Variants in ZNF385D observed in about 807,000 individuals in gnomAD.
ZNF385D encodes the protein zinc finger protein 659.
ZNF385D carries 15 observed loss-of-function variants against 35.8 expected under a neutral mutation model. That is an observed-to-expected ratio of 0.42 (90% CI 0.28 to 0.64). ZNF385D has a LOEUF of 0.64. ZNF385D is among the 30% of genes least tolerant of loss of function. ZNF385D has a pLI of 0.23. For synonymous variants in ZNF385D, 212 were observed against 186.8 expected (o/e 1.13, Z -1.10); for missense variants, 474 against 494.6 (o/e 0.96, Z 0.39).
At chr3:22,282,842 C>T (rs995567576) in intron 2 of ZNF385D, among the ~76,000 whole-genome samples, 1 of 151,872 alleles carries the variant, frequency 6.6e-6, no homozygotes, top group African/African-American at 2.4e-5. Flanking sequence ...TATCTCAATA[C>T]TAATGTGGAA....
At chr3:22,042,086 G>A (rs1459858393) in intron 3 of ZNF385D, among the ~76,000 whole-genome samples, 1 of 152,056 alleles carries the variant, frequency 6.6e-6, no homozygotes, top group Non-Finnish European at 1.5e-5. Flanking sequence ...GTTACTGAAG[G>A]TTTATCAGAT....
intron 3 of ZNF385D, among the ~76,000 whole-genome samples, chr3:22,005,433 G>T (rs906727483): frequency 2.0e-5 from 3 of 151,892 alleles, no homozygotes; most frequent in Non-Finnish European, 4.4e-5. Context: ...CAGTAGTGTC[G>T]CAGGGTAACT....
intron 2 of ZNF385D, among the ~76,000 whole-genome samples, chr3:22,307,274 T>C (rs1367282028): frequency 1.3e-5 from 2 of 152,112 alleles, no homozygotes; most frequent in East Asian, 1.9e-4. Context: ...GGAATGAAGA[T>C]AAGTCTGCAA....
intron 3 of ZNF385D, among the ~76,000 whole-genome samples, chr3:21,855,201 C>T (rs970989156): frequency 6.6e-5 from 10 of 152,054 alleles, no homozygotes; most frequent in African/African-American, 2.2e-4. Context: ...AAATCGCTAG[C>T]AATCTAGTCC....
At chr3:22,066,362 C>CTGTG (rs752443626) in intron 3 of ZNF385D, among the ~76,000 whole-genome samples, 4 of 144,120 alleles carry the variant, frequency 2.8e-5, no homozygotes, top group Admixed American at 6.9e-5. Context: ...AGATGGTTCC[C>CTGTG]TGTGTGTGTG....
At chr3:22,316,589 T>C (rs752572155) in intron 2 of ZNF385D, among the ~76,000 whole-genome samples, 1 of 152,206 alleles carries the variant, frequency 6.6e-6, no homozygotes, top group Non-Finnish European at 1.5e-5. Flanking sequence ...ACTTTGAAGT[T>C]TGGCCTGTGT....
chr3:21,940,354 C>G (rs1701457360), intron 3 of ZNF385D, among the ~76,000 whole-genome samples: 1 of 152,162 alleles, frequency 6.6e-6, no homozygotes. Context: ...CCCCATGTAT[C>G]TCACGTTCTT....
chr3:22,044,688 G>C (rs149200881), intron 3 of ZNF385D, among the ~76,000 whole-genome samples: 113 of 152,262 alleles, frequency 7.4e-4, no homozygotes, highest in African/African-American at 2.6e-3. Flanking sequence ...GAGCCATTTG[G>C]TTAACCTGCT....
At chr3:21,904,179 C>A (rs1455852500) in intron 3 of ZNF385D, among the ~76,000 whole-genome samples, 1 of 151,438 alleles carries the variant, frequency 6.6e-6, no homozygotes, top group East Asian at 2.0e-4. Flanking sequence ...TGACAAGTAC[C>A]TGTAATCCCA....
intron 3 of ZNF385D, among the ~76,000 whole-genome samples, chr3:21,958,448 T>C (rs771484600): frequency 2.0e-5 from 3 of 152,134 alleles, no homozygotes; most frequent in Non-Finnish European, 4.4e-5. Context: ...CTATTAGAAC[T>C]AAGTGAGACA....
chr3:21,875,894 A>G (rs1697938835), intron 3 of ZNF385D, among the ~76,000 whole-genome samples: 1 of 152,142 alleles, frequency 6.6e-6, no homozygotes, highest in Non-Finnish European at 1.5e-5. Flanking sequence ...ATAGAATAAG[A>G]TAAGAATTGA....
At chr3:22,324,755 C>T (rs149689662) in intron 2 of ZNF385D, among the ~76,000 whole-genome samples, 2 of 152,276 alleles carry the variant, frequency 1.3e-5, no homozygotes, top group Admixed American at 6.5e-5. Context: ...ACTGCCTTCC[C>T]TCACCACAAG....
chr3:21,641,544 C>G lies in ZNF385D; in HGVS notation c.165+23342G>C, dbSNP rs965312262. Among the ~76,000 whole-genome samples the G allele has an allele frequency of 2.0e-5, 3 of 151,522 alleles. No individual in the cohort carries two copies. The East Asian group carries it at 5.8e-4, about 29-fold the overall frequency. The stretch of plus-strand genomic sequence containing the variant: ...TTCTTGTTATACCATTATTACATCT[C>G]TCCGTTCTCTCTATTAACACATATC... On this transcript the variant is annotated intron_variant, in intron 2 of 7. Coordinates refer to ENST00000281523, the MANE Select transcript of ZNF385D (RefSeq NM_024697.3).
intron 3 of ZNF385D, among the ~76,000 whole-genome samples, chr3:21,997,872 C>CGTGTGTGT (rs751459423): frequency 2.2e-5 from 2 of 90,144 alleles, no homozygotes; most frequent in East Asian, 3.2e-4. Flanking sequence ...CGCGCGCGCG[C>CGTGTGTGT]GTGTGTGTGT....
intron 2 of ZNF385D, among the ~76,000 whole-genome samples, chr3:22,366,920 T>A (rs1696683147): frequency 6.6e-6 from 1 of 152,158 alleles, no homozygotes; most frequent in African/African-American, 2.4e-5. Context: ...AGCCAAGGAA[T>A]GGCAACAGAA....
intron 2 of ZNF385D, among the ~76,000 whole-genome samples, chr3:22,174,903 G>GA (rs1694712956): frequency 2.0e-5 from 3 of 151,838 alleles, no homozygotes; most frequent in African/African-American, 7.2e-5. Flanking sequence ...TAACTTCATT[G>GA]AAAAAATAAA....
At chr3:22,143,059 T>TTGTG (rs57448532) in intron 3 of ZNF385D, among the ~76,000 whole-genome samples, 17,252 of 140,592 alleles carry the variant, frequency 0.12, 1,144 homozygotes, top group East Asian at 0.15. Context: ...ATTAAATCGG[T>TTGTG]TGTGTGTGTG....
At chr3:21,831,604 T>A (rs563722919) in intron 3 of ZNF385D, among the ~76,000 whole-genome samples, 1 of 152,302 alleles carries the variant, frequency 6.6e-6, no homozygotes, top group South Asian at 2.1e-4. Flanking sequence ...TTAAATCTGG[T>A]TTAAATCACC....
chr3:21,688,863 G>A (rs1198672173), intron 1 of ZNF385D, among the ~76,000 whole-genome samples: 3 of 152,088 alleles, frequency 2.0e-5, no homozygotes, highest in Non-Finnish European at 4.4e-5. Flanking sequence ...TCTGAAAATA[G>A]TATGTGCATG....
Sources: allele counts gnomAD v4.1 joint callset (sites outside exome capture counted in the v4.1 genomes callset), GRCh38; gene constraint gnomAD v4.1.1; transcripts MANE v1.5; gene names NCBI Gene and HGNC (gene_info 2026-07-23, HGNC 2026-07-21).